AMER1: variants seen among roughly 807,000 people sequenced by gnomAD.
AMER1 encodes APC membrane recruitment protein 1, also known as RP11-403E24.2.
A neutral mutation model predicts 53.0 loss-of-function variants in AMER1; 16 were observed. The ratio of observed to expected loss-of-function variants is 0.30; its 90% CI spans 0.20 to 0.46. The LOEUF (loss-of-function observed/expected upper bound fraction) is 0.46. Among genes scored for constraint, AMER1 ranks in the 20% least tolerant of loss-of-function variants. AMER1 has a pLI of 1.00. For synonymous variants in AMER1, 354 were observed against 331.9 expected (o/e 1.07, Z -0.73); for missense variants, 947 against 884.9 (o/e 1.07, Z -0.89).
intron 1 of AMER1, among the ~76,000 whole-genome samples, chrX:64,197,544 G>C (rs1310693702): frequency 2.7e-5 from 3 of 112,976 alleles, no homozygotes; most frequent in African/African-American, 9.6e-5. Context: ...AACTTGAAGA[G>C]GGCTGAATTG....
chrX:64,190,967 C>A lies in AMER1; in HGVS notation c.2320G>T (p.Val774Leu). ...NATVSFSQAL[V>L]EFTSNGNLFS... is the part of the protein sequence containing the mutation. ...AGGTTCCCATTGCTGGTGAACTCTA[C>A]CAGGGCCTGTGAGAAACTCACAGTG... Residue 774 changes from valine (V) to leucine (L), a missense_variant, in exon 2 of 2, where the codon GTA becomes TTA. Transcript: ENST00000374869. 2 of 1,211,476 alleles carry A rather than the reference C, an allele frequency of 1.7e-6. No individual in the cohort carries two copies. The highest frequency in any genetic ancestry group is 2.2e-6 in the Non-Finnish European group (2 of 895,352).
At chrX:64,202,228 C>T in intron 1 of AMER1, among the ~76,000 whole-genome samples, 1 of 111,920 alleles carries the variant, frequency 8.9e-6, no homozygotes, top group African/African-American at 3.2e-5. Flanking sequence ...TTGAAATTTT[C>T]AGTCCCAGCA....
rs2147089257 is a variant in AMER1 at position 64,192,283 on chromosome X, T to C, written c.1004A>G (p.Gln335Arg). The change falls in exon 2 of 2, where the codon CAG becomes CGG. Residue 335 changes from glutamine (Q) to arginine (R), a missense_variant. Gln to Arg is a conservative substitution (Grantham distance 43). Transcript: ENST00000374869. ...LTGCGDIIAE[Q>R]DMDSMTDSMA... is the part of the protein sequence containing the mutation. Reference sequence around the variant, plus strand: ...GCTGTCTGTCATACTGTCCATGTCCTGTTCTGCTATTATGTCACCACAACC... The same window carrying C: ...GCTGTCTGTCATACTGTCCATGTCCCGTTCTGCTATTATGTCACCACAACC... The C allele has an allele frequency of 8.2e-7, 1 of 1,212,325 alleles. No individual in the cohort carries two copies.
In AMER1 at chrX:64,189,476, G is replaced by T; in HGVS notation, c.*403C>A. On this transcript the variant is annotated 3_prime_UTR_variant, in exon 2 of 2. Transcript: ENST00000374869. Reference sequence around the variant, plus strand: ...TGTGCATGTGTGTTTGTGTGTGTGTGTGTATGTATGTGTGTGTGTGTGTGT... The same window carrying T: ...TGTGCATGTGTGTTTGTGTGTGTGTTTGTATGTATGTGTGTGTGTGTGTGT... The T allele has an allele frequency of 1.6e-6, 1 of 630,429 alleles. No homozygotes were observed. The highest frequency in any genetic ancestry group is 3.6e-5 in the African/African-American group (1 of 27,611). The allele number at this position is 630,429 out of a possible 1,213,427, so 52.0% of individuals were successfully genotyped here.
chrX:64,190,068 T>C lies in AMER1; in HGVS notation c.3219A>G (p.Pro1073=), dbSNP rs1249947147. The change falls in exon 2 of 2, where the codon CCA becomes CCG. Residue 1073 remains proline, a synonymous_variant. Transcript: ENST00000374869. ...SSGGFSPSPL[P]QAKPVGITHG... ...GGGTGATGCCCACAGGCTTGGCCTG[T>C]GGTAGAGGGCTGGGGCTGAAGCCTC... 8.3e-7 allele frequency: 1 copy of C among 1,204,061 alleles called. No individual in the cohort carries two copies. Among genetic ancestry groups the C allele is most frequent in the Non-Finnish European group, 1.1e-6 (1 of 891,518 alleles).
chrX:64,188,627 G>T lies in AMER1; in HGVS notation c.*1252C>A. The T allele has an allele frequency of 5.0e-6, 4 of 801,511 alleles. No homozygotes were observed. Among genetic ancestry groups the T allele is most frequent in the Non-Finnish European group, 6.0e-6 (4 of 668,272 alleles). 66.1% of individuals were successfully genotyped at this position (801,511 alleles called of 1,213,427 possible). Reference sequence around the variant, plus strand: ...AGTGCAAACCTGGGGCCTTATTACAGAGTCCAAATGATGGGATGGGCAAGG... The same window carrying T: ...AGTGCAAACCTGGGGCCTTATTACATAGTCCAAATGATGGGATGGGCAAGG... On this transcript the variant is annotated 3_prime_UTR_variant, in exon 2 of 2. Coordinates refer to ENST00000374869, the MANE Select transcript of AMER1 (RefSeq NM_152424.4).
Position 64,189,793 on chromosome X carries a change from A to AGGGGGGCCCCCCCCCCCC in AMER1, c.*85_*86insGGGGGGGGGGGGCCCCCC, listed in dbSNP as rs1930198315. Reference sequence around the variant, plus strand: ...CAAAGGGTTTTCAAGTTAAACAACAACCCCCACCCCCCCACCCTTCTGCCC... The same window carrying AGGGGGGCCCCCCCCCCCC: ...CAAAGGGTTTTCAAGTTAAACAACAAGGGGGGCCCCCCCCCCCCCCCCCACCCCCCCACCCTTCTGCCC... On this transcript the variant is annotated 3_prime_UTR_variant, in exon 2 of 2. Coordinates refer to ENST00000374869, the MANE Select transcript of AMER1 (RefSeq NM_152424.4). 3.4e-6 allele frequency: 1 copy of AGGGGGGCCCCCCCCCCCC among 292,069 alleles called. No individual in the cohort carries two copies. Among genetic ancestry groups the AGGGGGGCCCCCCCCCCCC allele is most frequent in the Non-Finnish European group, 4.9e-6 (1 of 204,828 alleles). 24.1% of individuals were successfully genotyped at this position (292,069 alleles called of 1,213,427 possible). A position where few individuals can be genotyped will look rare whatever the true frequency, so the allele number is the denominator to read the frequency against.
rs2147084860 is a variant in AMER1 at position 64,190,309 on chromosome X, G to C, written c.2978C>G (p.Thr993Ser). 8.3e-7 allele frequency: 1 copy of C among 1,211,846 alleles called. No individual in the cohort carries two copies. Residue 993 changes from threonine to serine, a missense_variant, in exon 2 of 2, where the codon ACC becomes AGC. Thr to Ser is a moderately conservative substitution (Grantham distance 58, BLOSUM62 1). Coordinates refer to ENST00000374869, the MANE Select transcript of AMER1 (RefSeq NM_152424.4). Reference sequence around the variant, plus strand: ...CATGGTCATAGGAGGTATGCAACAGGTTGCCTGCCTATATGGAGACTGGCT... The same window carrying C: ...CATGGTCATAGGAGGTATGCAACAGCTTGCCTGCCTATATGGAGACTGGCT... ...PSSQSPYRQA[T>S]CCIPPMTMSI... is the part of the protein sequence containing the mutation.
Position 64,186,426 on chromosome X carries a change from T to C in AMER1, c.*3453A>G. 1 of 728,815 alleles carries C rather than the reference T, an allele frequency of 1.4e-6. No individual in the cohort carries two copies. The highest frequency in any genetic ancestry group is 1.7e-6 in the Non-Finnish European group (1 of 596,619). 60.1% of individuals were successfully genotyped at this position (728,815 alleles called of 1,213,427 possible). A position where few individuals can be genotyped will look rare whatever the true frequency, so the allele number is the denominator to read the frequency against. On this transcript the variant is annotated 3_prime_UTR_variant, in exon 2 of 2. Coordinates refer to ENST00000374869, the MANE Select transcript of AMER1 (RefSeq NM_152424.4). ...CAATATAAAAATAGATAATTGACTT[T>C]TGATATATATATATATATATATTAA...
rs1257686015 is a variant in AMER1 at position 64,190,367 on chromosome X, A to G, written c.2920T>C (p.Trp974Arg). 1 of 1,210,223 alleles carries G rather than the reference A, an allele frequency of 8.3e-7. No individual in the cohort carries two copies. The highest frequency in any genetic ancestry group is 1.1e-6 in the Non-Finnish European group (1 of 895,035). The change falls in exon 2 of 2, where the codon TGG (tryptophan) becomes CGG (arginine). Residue 974 changes from tryptophan to arginine, a missense_variant. By Grantham distance (101) the Trp-to-Arg change is moderately radical. Transcript: ENST00000374869. ...CPLPVGPGPA[W>R]ISPNQLDRPS... ...CTGTCCAACTGGTTGGGGCTTATCC[A>G]GGCAGGACCTGGCCCCACTGGAAGA...
Position 64,187,059 on chromosome X carries a change from A to G in AMER1, c.*2820T>C. ...TAGTACTCTTGGAGGTGTGGACATG[A>G]TATCAACAGTTTTAGTGGTCTGGGG... On this transcript the variant is annotated 3_prime_UTR_variant, in exon 2 of 2. Coordinates refer to ENST00000374869, the MANE Select transcript of AMER1 (RefSeq NM_152424.4). 3 of 781,647 alleles carry G rather than the reference A, an allele frequency of 3.8e-6. No individual in the cohort carries two copies. Among genetic ancestry groups the G allele is most frequent in the African/African-American group, 2.2e-5 (1 of 44,831 alleles). The allele number at this position is 781,647 out of a possible 1,213,427, so 64.4% of individuals were successfully genotyped here.
intron 1 of AMER1, among the ~76,000 whole-genome samples, chrX:64,202,961 T>A (rs1361542525): frequency 1.8e-5 from 2 of 111,484 alleles, no homozygotes; most frequent in African/African-American, 3.3e-5. Flanking sequence ...AGCCACACCA[T>A]CTCAACCAGA....
At position 64,189,793 on chromosome X, in the gene AMER1, A is replaced by ACGGGGGGCCCCCCCCCCC; in HGVS notation, c.*85_*86insGGGGGGGGGGGCCCCCCG. ...CAAAGGGTTTTCAAGTTAAACAACA[A>ACGGGGGGCCCCCCCCCCC]CCCCCACCCCCCCACCCTTCTGCCC... is the stretch of plus-strand genomic sequence containing the variant. On this transcript the variant is annotated 3_prime_UTR_variant, in exon 2 of 2. Transcript: ENST00000374869. 7 of 292,064 alleles carry ACGGGGGGCCCCCCCCCCC rather than the reference A, an allele frequency of 2.4e-5. No homozygotes were observed. The highest frequency in any genetic ancestry group is 4.1e-5 in the African/African-American group (1 of 24,575). 24.1% of individuals were successfully genotyped at this position (292,064 alleles called of 1,213,427 possible). A position where few individuals can be genotyped will look rare whatever the true frequency, so the allele number is the denominator to read the frequency against.
Position 64,189,793 on chromosome X carries a change from A to ACCCACCCCCCCCCCCC in AMER1, c.*85_*86insGGGGGGGGGGGGTGGG. On this transcript the variant is annotated 3_prime_UTR_variant, in exon 2 of 2. Coordinates refer to ENST00000374869, the MANE Select transcript of AMER1 (RefSeq NM_152424.4). Reference sequence around the variant, plus strand: ...CAAAGGGTTTTCAAGTTAAACAACAACCCCCACCCCCCCACCCTTCTGCCC... The same window carrying ACCCACCCCCCCCCCCC: ...CAAAGGGTTTTCAAGTTAAACAACAACCCACCCCCCCCCCCCCCCCCACCCCCCCACCCTTCTGCCC... 3.4e-6 allele frequency: 1 copy of ACCCACCCCCCCCCCCC among 292,074 alleles called. No homozygotes were observed. Among genetic ancestry groups the ACCCACCCCCCCCCCCC allele is most frequent in the Non-Finnish European group, 4.9e-6 (1 of 204,832 alleles). 24.1% of individuals were successfully genotyped at this position (292,074 alleles called of 1,213,427 possible).
At position 64,186,595 on chromosome X, in the gene AMER1, G is replaced by A; in HGVS notation, c.*3284C>T. The stretch of plus-strand genomic sequence containing the variant: ...AGGTAAGGAAAGCTGCTGGCAGCAG[G>A]ATGAAGGGTACACACCCAGCCTCCT... On this transcript the variant is annotated 3_prime_UTR_variant, in exon 2 of 2. Transcript: ENST00000374869. 2 of 776,295 alleles carry A rather than the reference G, an allele frequency of 2.6e-6. No homozygotes were observed. The highest frequency in any genetic ancestry group is 3.1e-6 in the Non-Finnish European group (2 of 652,283). The allele number at this position is 776,295 out of a possible 1,213,427, so 64.0% of individuals were successfully genotyped here. A position where few individuals can be genotyped will look rare whatever the true frequency, so the allele number is the denominator to read the frequency against.
At position 64,189,378 on chromosome X, in the gene AMER1, A is replaced by C; in HGVS notation, c.*501T>G. Reference sequence around the variant, plus strand: ...AGACTTGGCTGCTAATCAGTGGTTCATCATTCATTGGGGGAAAGGGGCAGG... The same window carrying C: ...AGACTTGGCTGCTAATCAGTGGTTCCTCATTCATTGGGGGAAAGGGGCAGG... On this transcript the variant is annotated 3_prime_UTR_variant, in exon 2 of 2. Coordinates refer to ENST00000374869, the MANE Select transcript of AMER1 (RefSeq NM_152424.4). 8 of 784,540 alleles carry C rather than the reference A, an allele frequency of 1.0e-5. No homozygotes were observed. Among genetic ancestry groups the C allele is most frequent in the Non-Finnish European group, 1.2e-5 (8 of 658,323 alleles). 64.7% of individuals were successfully genotyped at this position (784,540 alleles called of 1,213,427 possible).
Position 64,186,190 on chromosome X carries a change from T to C in AMER1, c.*3689A>G, listed in dbSNP as rs757500692. On this transcript the variant is annotated 3_prime_UTR_variant, in exon 2 of 2. Transcript: ENST00000374869. ...TGGGCATCTTCTGCTGTCCCTATCA[T>C]GGGGGGAGGGAACGGACAGTGTGGT... The C allele has an allele frequency of 5.8e-6, 7 of 1,205,350 alleles. No homozygotes were observed. The highest frequency in any genetic ancestry group is 5.3e-5 in the African/African-American group (3 of 56,531).
Position 64,192,926 on chromosome X carries a change from G to T in AMER1, c.361C>A (p.Pro121Thr), listed in dbSNP as rs776637853. Residue 121 changes from proline (P) to threonine (T), a missense_variant, in exon 2 of 2, where the codon CCT (proline) becomes ACT (threonine). By Grantham distance (38) the Pro-to-Thr change is conservative (BLOSUM62 -1). Coordinates refer to ENST00000374869, the MANE Select transcript of AMER1 (RefSeq NM_152424.4). The stretch of plus-strand genomic sequence containing the variant: ...CTGGGAAATTGGCAGGGTAACTCAG[G>T]CAAAGGCAGGGAGAAGCCAGTTCCT... ...SEGTGFSLPL[P>T]ELPCQFPSSQ... The T allele has an allele frequency of 1.3e-5, 16 of 1,211,618 alleles. No homozygotes were observed. In the South Asian group the frequency reaches 2.8e-4, roughly 21 times the overall value.
chrX:64,189,792 A>AGGGGGGGCCCCCCCCC lies in AMER1; in HGVS notation c.*86_*87insGGGGGGGGGCCCCCCC. 1 of 746,979 alleles carries AGGGGGGGCCCCCCCCC rather than the reference A, an allele frequency of 1.3e-6. No homozygotes were observed. The highest frequency in any genetic ancestry group is 1.7e-6 in the Non-Finnish European group (1 of 590,434). The allele number at this position is 746,979 out of a possible 1,213,427, so 61.6% of individuals were successfully genotyped here. ...CCAAAGGGTTTTCAAGTTAAACAACAACCCCCACCCCCCCACCCTTCTGCC... is the reference window on the plus strand; with the variant it reads ...CCAAAGGGTTTTCAAGTTAAACAACAGGGGGGGCCCCCCCCCACCCCCACCCCCCCACCCTTCTGCC... On this transcript the variant is annotated 3_prime_UTR_variant, in exon 2 of 2. Coordinates refer to ENST00000374869, the MANE Select transcript of AMER1 (RefSeq NM_152424.4).
Sources: gnomAD v4.1 joint callset for allele counts (sites outside exome capture counted in the v4.1 genomes callset) on GRCh38, gnomAD v4.1.1 for gene constraint, MANE v1.5 for transcripts, NCBI Gene and HGNC (gene_info 2026-07-23, HGNC 2026-07-21) for gene names.